The following ZNF540 variants were observed in gnomAD, a reference collection of about 807,000 sequenced individuals.
ZNF540 encodes the protein CTD-3064H18.6.
In ZNF540, 3 loss-of-function variants were observed where a neutral mutation model predicts 11.8. The ratio of observed to expected loss-of-function variants is 0.25; its 90% CI spans 0.12 to 0.65. The LOEUF is 0.65. ZNF540 is among the 30% of genes least tolerant of loss of function. The pLI, the probability that ZNF540 is intolerant of heterozygous loss-of-function variation, is 0.83. For missense variants in ZNF540, 709 were observed against 793.1 expected, an observed-to-expected ratio of 0.89 and a Z score of 1.27; for synonymous variants, 247 against 259.0, an observed-to-expected ratio of 0.95 and a Z score of 0.45.
intron 1 of ZNF540, among the ~76,000 whole-genome samples, chr19:37,556,891 T>C (rs1173673177): frequency 1.3e-5 from 2 of 152,200 alleles, no homozygotes; most frequent in Non-Finnish European, 2.9e-5. Flanking sequence ...GTGTGGTTCA[T>C]GCGTTCTACC....
At chr19:37,592,780 G>A (rs2043905116), upstream of ZNF540, among the ~76,000 whole-genome samples, 1 of 151,352 alleles carries the variant, frequency 6.6e-6, no homozygotes, top group South Asian at 2.1e-4. Context: ...ATGAAGGAAC[G>A]GAAAACAAAT....
At chr19:37,563,095 GAGGC>G (rs1225329195) in intron 1 of ZNF540, 3 of 152,182 alleles carry the variant, frequency 2.0e-5, no homozygotes, top group Non-Finnish European at 4.4e-5. Context: ...TCTGGAGGCT[GAGGC>G]AGGTAGATGC....
rs2044147122 is a variant in ZNF540, at chr19:37,613,194, G to A, written c.1914G>A (p.Lys638=). ...CTGGTGAGAAACCCTATGAGTGTAA[G>A]GTATGTAGAAAGGCCTTTAGACAAT... is the stretch of plus-strand genomic sequence containing the variant. ...IHTGEKPYEC[K]VCRKAFRQYS... Residue 638 remains lysine (K), a synonymous_variant, in exon 5 of 5, where the codon AAG becomes AAA. Transcript: ENST00000316433. The A allele has an allele frequency of 6.2e-7, 1 of 1,600,430 alleles. No homozygotes were observed. Among genetic ancestry groups the A allele is most frequent in the Non-Finnish European group, 8.5e-7 (1 of 1,173,280 alleles).
chr19:37,603,989 G>C (rs2044060919), intron 4 of ZNF540, among the ~76,000 whole-genome samples: 1 of 151,994 alleles, frequency 6.6e-6, no homozygotes, highest in Non-Finnish European at 1.5e-5. Context: ...TGCCTCTAAA[G>C]TTCTTAATTC....
rs781496637 is a variant in ZNF540, at chr19:37,612,941, A to T, written c.1661A>T (p.Lys554Ile). Reference protein sequence around the residue: ...IHSGLKPYDCKECGKSFSRRG... With the variant: ...IHSGLKPYDCIECGKSFSRRG... ...TCTGGTTTAAAACCCTATGACTGTA[A>T]AGAATGTGGGAAGTCCTTTAGTCGG... Residue 554 changes from lysine (K) to isoleucine (I), a missense_variant, in exon 5 of 5, where the codon AAA becomes ATA. Lys to Ile is a moderately radical substitution (Grantham distance 102, BLOSUM62 -3). Transcript: ENST00000316433. 3.1e-6 allele frequency: 5 copies of T among 1,614,146 alleles called. No individual in the cohort carries two copies. The South Asian group carries it at 5.5e-5, about 18-fold the overall frequency.
At position 37,612,519 on chromosome 19, in the gene ZNF540, T is replaced by A; in HGVS notation, c.1239T>A (p.Cys413Ter). The change falls in exon 5 of 5, where the codon TGT becomes TGA. Residue 413 changes from cysteine to a stop codon, truncating the protein, a stop_gained. Coordinates refer to ENST00000316433, the MANE Select transcript of ZNF540 (RefSeq NM_001172225.3). LOFTEE classifies it low-confidence loss of function (END_TRUNC). ...ATACTGGTATAAAACCTTTTGCATGTAAGGTGTGTGAGAAGGCTTTTAGTT... is the reference window on the plus strand; with the variant it reads ...ATACTGGTATAAAACCTTTTGCATGAAAGGTGTGTGAGAAGGCTTTTAGTT... ...TIHTGIKPFACKVCEKAFSYS... is the reference protein window; with the variant it reads ...TIHTGIKPFA The A allele has an allele frequency of 6.2e-7, 1 of 1,614,142 alleles. No individual in the cohort carries two copies. Among genetic ancestry groups the A allele is most frequent in the Non-Finnish European group, 8.5e-7 (1 of 1,180,012 alleles).
intron 1 of ZNF540, chr19:37,555,603 C>A: frequency 2.7e-6 from 1 of 369,052 alleles, no homozygotes; most frequent in Non-Finnish European, 4.9e-6. Flanking sequence ...TGGAGTGTAT[C>A]TTTTATGACT....
At chr19:37,585,698 A>G (rs1332086554) in intron 1 of ZNF540, 1 of 152,226 alleles carries the variant, frequency 6.6e-6, no homozygotes, top group African/African-American at 2.4e-5. Flanking sequence ...TAAACTTTCA[A>G]GTGACAAGTG....
chr19:37,568,535 G>T (rs1259246381), intron 1 of ZNF540, among the ~76,000 whole-genome samples: 1 of 152,174 alleles, frequency 6.6e-6, no homozygotes, highest in Non-Finnish European at 1.5e-5. Flanking sequence ...CTACCTATGT[G>T]CTAGTGCCCT....
At chr19:37,566,451 GAAT>G (rs1454898687) in intron 1 of ZNF540, 1 of 776,338 alleles carries the variant, frequency 1.3e-6, no homozygotes, top group Non-Finnish European at 1.9e-6. Context: ...CACAAGGAGA[GAAT>G]AAAGAAAAAG....
At chr19:37,596,138 A>G (rs1010773401) in intron 1 of ZNF540, among the ~76,000 whole-genome samples, 9 of 152,214 alleles carry the variant, frequency 5.9e-5, no homozygotes, top group African/African-American at 2.2e-4. Flanking sequence ...TGACATTGAT[A>G]GTCAAGATAG....
Position 37,601,048 on chromosome 19 carries a change from G to C in ZNF540, c.175G>C (p.Glu59Gln). ...AAAGCCAGATGTGATTACCTTACTG[G>C]AGCAAGGGAAAGAGCCCTGCGTGGT... ...GSKPDVITLL[E>Q]QGKEPCVVAR... Residue 59 changes from glutamate to glutamine, a missense_variant, in exon 4 of 5, where the codon GAG (glutamate) becomes CAG (glutamine). Glu to Gln is a conservative substitution (Grantham distance 29, BLOSUM62 2). Transcript: ENST00000316433. The C allele has an allele frequency of 1.1e-5, 17 of 1,592,272 alleles. No homozygotes were observed. The highest frequency in any genetic ancestry group is 1.4e-5 in the Non-Finnish European group (16 of 1,169,448).
At chr19:37,603,101 G>A (rs1468027822) in intron 4 of ZNF540, among the ~76,000 whole-genome samples, 2 of 143,058 alleles carry the variant, frequency 1.4e-5, no homozygotes, top group African/African-American at 2.6e-5. Flanking sequence ...TCCACCTCCC[G>A]GGTTCAAGCA....
chr19:37,565,965 T>C (rs2042842594), intron 1 of ZNF540: 1 of 1,613,758 alleles, frequency 6.2e-7, no homozygotes, highest in Non-Finnish European at 8.5e-7. Flanking sequence ...TCATGTTGAA[T>C]AAGGCATGAC....
At chr19:37,583,997 T>TC in intron 1 of ZNF540, 1 of 1,612,654 alleles carries the variant, frequency 6.2e-7, no homozygotes, top group Non-Finnish European at 8.5e-7. Flanking sequence ...GCTGTAGTTC[T>TC]CCAACATCAC....
chr19:37,554,511 G>C (rs2042639661), intron 1 of ZNF540, among the ~76,000 whole-genome samples: 1 of 151,944 alleles, frequency 6.6e-6, no homozygotes, highest in African/African-American at 2.4e-5. Context: ...TTTTCCATCA[G>C]GCTGTTCTCA....
At chr19:37,605,215 C>A (rs1306410901) in intron 4 of ZNF540, among the ~76,000 whole-genome samples, 2 of 152,114 alleles carry the variant, frequency 1.3e-5, no homozygotes, top group Non-Finnish European at 2.9e-5. Flanking sequence ...AATCCCGGCA[C>A]TTTGGGAGGC....
In ZNF540 at chr19:37,583,850, G is replaced by A. The variant is rs906872570; in HGVS notation, c.-72-14526G>A. ...AGATAAAAAGGTACACGGTGGAGCT[G>A]TCCATTTCTACTTCTACTCAAACGT... On this transcript the variant is annotated intron_variant, in intron 1 of 4. Transcript: ENST00000592533. The A allele has an allele frequency of 1.8e-5, 18 of 989,232 alleles. No homozygotes were observed. The African/African-American group carries it at 2.9e-4, about 16-fold the overall frequency. The allele number at this position is 989,232 out of a possible 1,614,324, so 61.3% of individuals were successfully genotyped here.
chr19:37,577,928 G>C (rs987594332), intron 1 of ZNF540, among the ~76,000 whole-genome samples: 8 of 152,160 alleles, frequency 5.3e-5, no homozygotes, highest in Non-Finnish European at 4.4e-5. Context: ...GTGGGGAACC[G>C]AACTGCAGAG....
Sources: allele counts gnomAD v4.1 joint callset (sites outside exome capture counted in the v4.1 genomes callset), GRCh38; gene constraint gnomAD v4.1.1; transcripts MANE v1.5; gene names NCBI Gene and HGNC (gene_info 2026-07-23, HGNC 2026-07-21).